Variants in CSGALNACT2 observed in about 807,000 individuals in gnomAD.
CSGALNACT2 encodes chondroitin sulfate N-acetylgalactosaminyltransferase 2.
Under a neutral mutation model 55.3 loss-of-function variants are expected in CSGALNACT2, and 35 were observed. The ratio of observed to expected loss-of-function variants is 0.63; its 90% confidence interval spans 0.48 to 0.84. The LOEUF (loss-of-function observed/expected upper bound fraction) is 0.84, where lower values mean the gene tolerates loss of function less well. Among genes scored for constraint, CSGALNACT2 ranks in the 40% least tolerant of loss-of-function variants. The pLI is 0.00. For synonymous variants in CSGALNACT2, 196 were observed against 224.9 expected, an observed-to-expected ratio of 0.87 and a Z score of 1.15; for missense variants, 544 against 657.5, an observed-to-expected ratio of 0.83 and a Z score of 1.89.
chr10:43,154,491 T>C (rs1838950319), intron 1 of CSGALNACT2, among the ~76,000 whole-genome samples: 3 of 152,178 alleles, frequency 2.0e-5, no homozygotes, highest in South Asian at 4.1e-4. Context: ...CCCAGCACTT[T>C]GGGAGGCCAA....
intron 7 of CSGALNACT2, among the ~76,000 whole-genome samples, chr10:43,178,714 G>GT (rs1320253457): frequency 1.3e-5 from 2 of 149,504 alleles, no homozygotes; most frequent in African/African-American, 2.5e-5. Flanking sequence ...ATTTTTTATC[G>GT]TTTTTTTCCC....
At chr10:43,143,112 A>G (rs979956614) in intron 1 of CSGALNACT2, among the ~76,000 whole-genome samples, 2 of 152,264 alleles carry the variant, frequency 1.3e-5, no homozygotes, top group African/African-American at 4.8e-5. Flanking sequence ...AATGAAGAGT[A>G]GAAAACCATG....
intron 1 of CSGALNACT2, among the ~76,000 whole-genome samples, chr10:43,144,929 A>G (rs1418003433): frequency 6.6e-6 from 1 of 152,154 alleles, no homozygotes; most frequent in East Asian, 1.9e-4. Flanking sequence ...CCTGGCTCCT[A>G]TTACTCAGAG....
In CSGALNACT2 at chr10:43,155,674, C is replaced by T; in HGVS notation, c.525C>T (p.Asp175=). ...RHPEEKPVRK[D]KRDELVEVIE... Reference sequence around the variant, plus strand: ...CTGAAGAAAAGCCAGTTAGAAAAGACAAACGAGATGAATTGGTGGAAGTTA... The same window carrying T: ...CTGAAGAAAAGCCAGTTAGAAAAGATAAACGAGATGAATTGGTGGAAGTTA... The change falls in exon 2 of 8, where the codon GAC becomes GAT. Residue 175 remains aspartate, a synonymous_variant. Coordinates refer to ENST00000374466, the MANE Select transcript of CSGALNACT2 (RefSeq NM_018590.5). 2 of 1,614,090 alleles carry T rather than the reference C, an allele frequency of 1.2e-6. No individual in the cohort carries two copies. The highest frequency in any genetic ancestry group is 1.7e-6 in the Non-Finnish European group (2 of 1,180,012).
intron 2 of CSGALNACT2, among the ~76,000 whole-genome samples, chr10:43,157,975 G>A (rs1839052976): frequency 6.7e-6 from 1 of 148,354 alleles, no homozygotes; most frequent in South Asian, 2.1e-4. Flanking sequence ...GTTGCAGTGA[G>A]CCAAGATTGC....
chr10:43,147,760 G>C (rs1376304736), intron 1 of CSGALNACT2, among the ~76,000 whole-genome samples: 1 of 143,062 alleles, frequency 7.0e-6, no homozygotes, highest in African/African-American at 2.5e-5. Context: ...TGTCTGTTCA[G>C]ATCTTTTGCT....
At chr10:43,163,225 A>G (rs1839190266) in intron 4 of CSGALNACT2, 2 of 984,038 alleles carry the variant, frequency 2.0e-6, no homozygotes, top group Non-Finnish European at 2.4e-6. Context: ...TGAGCGATGT[A>G]TTTTTCAGAA....
chr10:43,145,419 T>TC (rs1323139350), intron 1 of CSGALNACT2, among the ~76,000 whole-genome samples: 2 of 146,272 alleles, frequency 1.4e-5, no homozygotes, highest in Admixed American at 6.8e-5. Context: ...TCTTTTTTTT[T>TC]TTTTTTTTTT....
At chr10:43,182,843 C>G (rs149010533) in intron 7 of CSGALNACT2, among the ~76,000 whole-genome samples, 14 of 150,666 alleles carry the variant, frequency 9.3e-5, no homozygotes, top group African/African-American at 2.9e-4. Context: ...CCACTGCACT[C>G]CAGCCTGGGT....
intron 4 of CSGALNACT2, chr10:43,163,148 A>G: frequency 1.0e-6 from 1 of 985,330 alleles, no homozygotes; most frequent in Non-Finnish European, 1.2e-6. Flanking sequence ...TCACCACTGA[A>G]TTCAACATTT....
chr10:43,158,070 G>A (rs971365575), intron 2 of CSGALNACT2, among the ~76,000 whole-genome samples: 2 of 149,666 alleles, frequency 1.3e-5, no homozygotes, highest in African/African-American at 2.5e-5. Flanking sequence ...TCGTAGATGC[G>A]CATGCTTTTC....
chr10:43,162,863 C>T (rs1399876194), intron 4 of CSGALNACT2: 2 of 983,134 alleles, frequency 2.0e-6, no homozygotes, highest in Non-Finnish European at 1.2e-6. Flanking sequence ...TTGGGGGCCT[C>T]ACTGTGAGAA....
At chr10:43,177,060 G>A (rs1839494106) in intron 7 of CSGALNACT2, among the ~76,000 whole-genome samples, 1 of 152,034 alleles carries the variant, frequency 6.6e-6, no homozygotes, top group South Asian at 2.1e-4. Context: ...TTTTGTTTTG[G>A]AAATCCCCCC....
intron 4 of CSGALNACT2, chr10:43,162,917 A>C: frequency 1.0e-6 from 1 of 985,400 alleles, no homozygotes; most frequent in Non-Finnish European, 1.2e-6. Context: ...CTTTGCCTTT[A>C]GGATACTGAC....
intron 5 of CSGALNACT2, among the ~76,000 whole-genome samples, chr10:43,164,653 C>T (rs1212214482): frequency 3.3e-5 from 5 of 152,058 alleles, no homozygotes; most frequent in Admixed American, 1.3e-4. Flanking sequence ...TTGAGACCAT[C>T]CTGGCCAACA....
At position 43,158,823 on chromosome 10, in the gene CSGALNACT2, T is replaced by A; in HGVS notation, c.770T>A (p.Leu257His). ...ACCCTCTTCCGCCCTTTTGGACCTC[T>A]CATGAAAGTGAAGAGTGAGATGATT... ...HVTLFRPFGPLMKVKSEMIDI... is the reference protein window; with the variant it reads ...HVTLFRPFGPHMKVKSEMIDI... Residue 257 changes from leucine (L) to histidine (H), a missense_variant, in exon 3 of 8, where the codon CTC (leucine) becomes CAC (histidine). Leu to His is a moderately conservative substitution (Grantham distance 99). Coordinates refer to ENST00000374466, the MANE Select transcript of CSGALNACT2 (RefSeq NM_018590.5). 1 of 1,611,406 alleles carries A rather than the reference T, an allele frequency of 6.2e-7. No homozygotes were observed. Among genetic ancestry groups the A allele is most frequent in the Non-Finnish European group, 8.5e-7 (1 of 1,177,662 alleles).
Position 43,155,746 on chromosome 10 carries a change from A to G in CSGALNACT2, c.597A>G (p.Glu199=). The stretch of plus-strand genomic sequence containing the variant: ...TTAATAATCCTGATGAAGATGATGA[A>G]CAAGAAGATGAGGAGGGTCCCCTTG... The part of the protein sequence containing the change: ...EVINNPDEDD[E]QEDEEGPLGE... Residue 199 remains glutamate (E), a synonymous_variant, in exon 2 of 8, where the codon GAA becomes GAG. Coordinates refer to ENST00000374466, the MANE Select transcript of CSGALNACT2 (RefSeq NM_018590.5). The G allele has an allele frequency of 1.9e-6, 3 of 1,614,160 alleles. No homozygotes were observed. The highest frequency in any genetic ancestry group is 2.5e-6 in the Non-Finnish European group (3 of 1,180,004).
Position 43,172,205 on chromosome 10 carries a change from CTAATA to C in CSGALNACT2, c.1255-3745_1255-3741del, listed in dbSNP as rs1394197182. On this transcript the variant is annotated intron_variant, in intron 6 of 7. Coordinates refer to ENST00000374466, the MANE Select transcript of CSGALNACT2 (RefSeq NM_018590.5). The stretch of plus-strand genomic sequence containing the variant: ...GATAACATTAAAAGCAAGCAAAACT[CTAATA>C]ATAAAAGGATAAATTGAATTATGGT... Among the ~76,000 whole-genome samples the C allele has an allele frequency of 2.0e-5, 3 of 152,026 alleles. No individual in the cohort carries two copies. The East Asian group carries it at 5.8e-4, about 29-fold the overall frequency.
At chr10:43,143,493 ATGTGTGTGTGTG>A (rs3983257) in intron 1 of CSGALNACT2, among the ~76,000 whole-genome samples, 69 of 141,966 alleles carry the variant, frequency 4.9e-4, no homozygotes, top group East Asian at 1.5e-3. Flanking sequence ...CTCTCCAAAA[ATGTGTGTGTGTG>A]TGTGTGTGTG....
Sources: gnomAD v4.1 joint callset for allele counts (sites outside exome capture counted in the v4.1 genomes callset) on GRCh38, gnomAD v4.1.1 for gene constraint, MANE v1.5 for transcripts, NCBI Gene and HGNC (gene_info 2026-07-23, HGNC 2026-07-21) for gene names.